The following CLVS2 variants were observed in gnomAD, a reference collection of about 807,000 sequenced individuals.
The protein encoded by CLVS2 is clavesin 2.
Under a neutral mutation model 29.0 loss-of-function variants are expected in CLVS2, and 19 were observed. That is an observed-to-expected ratio of 0.66 (90% CI 0.46 to 0.96). The LOEUF (loss-of-function observed/expected upper bound fraction) is 0.96, where lower values mean the gene tolerates loss of function less well. Ranked by LOEUF, CLVS2 falls within the 40% of genes least tolerant of loss-of-function variation. The probability of loss-of-function intolerance (pLI) is 0.00; values close to 1 mark genes in which losing one functional copy is unlikely to be tolerated. For missense variants in CLVS2, 294 were observed against 404.1 expected, an observed-to-expected ratio of 0.73 and a Z score of 2.34; for synonymous variants, 161 against 151.3, an observed-to-expected ratio of 1.06 and a Z score of -0.47.
rs1323474245 is a variant in CLVS2, at chr6:122,997,851, A to C, written c.74A>C (p.Asp25Ala). The C allele has an allele frequency of 6.2e-7, 1 of 1,614,164 alleles. No individual in the cohort carries two copies. Among genetic ancestry groups the C allele is most frequent in the Non-Finnish European group, 8.5e-7 (1 of 1,180,024 alleles). Residue 25 changes from aspartate to alanine, a missense_variant, in exon 2 of 6, where the codon GAC becomes GCC. Physicochemically the swap from Asp to Ala is moderately radical, Grantham distance 126. Coordinates refer to ENST00000275162, the MANE Select transcript of CLVS2 (RefSeq NM_001010852.4). ...KARLELNENP[D>A]TLHQDIQEVR... is the part of the protein sequence containing the mutation. ...CGCCTGGAGCTCAATGAAAACCCAG[A>C]CACGCTGCACCAGGACATCCAGGAG...
chr6:123,027,978 GTAA>G (rs1775027606), intron 3 of CLVS2, among the ~76,000 whole-genome samples: 1 of 152,128 alleles, frequency 6.6e-6, no homozygotes, highest in Non-Finnish European at 1.5e-5. Flanking sequence ...TGAATTTTTA[GTAA>G]TAACATTTAT....
chr6:123,054,257 C>T (rs141202841), intron 4 of CLVS2, among the ~76,000 whole-genome samples: 2 of 152,270 alleles, frequency 1.3e-5, no homozygotes, highest in East Asian at 3.9e-4. Context: ...TTCATTTCTT[C>T]TTATAAGAAG....
chr6:123,042,781 G>A lies in CLVS2; in HGVS notation c.565-5841G>A, dbSNP rs537608428. Among the ~76,000 whole-genome samples, 14 of 152,278 alleles carry A rather than the reference G, an allele frequency of 9.2e-5. No homozygotes were observed. In the East Asian group the frequency reaches 1.7e-3, roughly 19 times the overall value. On this transcript the variant is annotated intron_variant, in intron 3 of 5. Coordinates refer to ENST00000275162, the MANE Select transcript of CLVS2 (RefSeq NM_001010852.4). Reference sequence around the variant, plus strand: ...CTGTCCACTAGTGATAATGAGCAGCGATTTGGAACTGGGAAAAGCATGACT... The same window carrying A: ...CTGTCCACTAGTGATAATGAGCAGCAATTTGGAACTGGGAAAAGCATGACT...
Position 123,071,360 on chromosome 6 carries a change from C to T in CLVS2, c.*7599C>T, listed in dbSNP as rs1016858642. 1.3e-5 allele frequency: 2 copies of T among 151,978 alleles called. No individual in the cohort carries two copies. The highest frequency in any genetic ancestry group is 2.9e-5 in the Non-Finnish European group (2 of 67,930). 9.4% of individuals were successfully genotyped at this position (151,978 alleles called of 1,614,324 possible). A position where few individuals can be genotyped will look rare whatever the true frequency, so the allele number is the denominator to read the frequency against. On this transcript the variant is annotated 3_prime_UTR_variant, in exon 6 of 6. Coordinates refer to ENST00000275162, the MANE Select transcript of CLVS2 (RefSeq NM_001010852.4). ...CATGAATCAAAAATGATATCCTCTT[C>T]TCCCCAATTGTGATCTCTATCCCTG...
chr6:123,054,063 G>A (rs1460481727), intron 4 of CLVS2, among the ~76,000 whole-genome samples: 1 of 152,134 alleles, frequency 6.6e-6, no homozygotes, highest in Non-Finnish European at 1.5e-5. Context: ...CAGAGTGTTA[G>A]AGAAGAGAGA....
At chr6:123,004,949 A>C (rs1774644349) in intron 2 of CLVS2, among the ~76,000 whole-genome samples, 3 of 61,464 alleles carry the variant, frequency 4.9e-5, no homozygotes, top group South Asian at 1.1e-3. Context: ...AAAACAAAAA[A>C]CAAAAAAAAA....
At chr6:123,024,183 G>C (rs906554997) in intron 3 of CLVS2, among the ~76,000 whole-genome samples, 1 of 152,118 alleles carries the variant, frequency 6.6e-6, no homozygotes, top group African/African-American at 2.4e-5. Context: ...ACCATAGGCA[G>C]TCATAGGTAG....
In CLVS2 at chr6:123,021,061, A is replaced by AGGG. The variant is rs1284701366; in HGVS notation, c.564+9902_564+9903insGGG. 4.3e-3 allele frequency among the ~76,000 whole-genome samples: 590 copies of AGGG among 135,718 alleles called. 2 individuals carry two copies. The highest frequency in any genetic ancestry group is 0.014 in the African/African-American group (513 of 36,094). 89.0% of individuals were successfully genotyped at this position (135,718 alleles called of 152,430 possible). ...TTATCTGAAAGAGTATGGGGGGGGTAAAATTGCAGAATATTTGCATTCTCT... is the reference window on the plus strand; with the variant it reads ...TTATCTGAAAGAGTATGGGGGGGGTAGGGAAATTGCAGAATATTTGCATTCTCT... On this transcript the variant is annotated intron_variant, in intron 3 of 5. Transcript: ENST00000275162.
At chr6:123,038,629 T>TC in intron 3 of CLVS2, among the ~76,000 whole-genome samples, 1 of 152,152 alleles carries the variant, frequency 6.6e-6, no homozygotes, top group African/African-American at 2.4e-5. Flanking sequence ...ATGTATTTTT[T>TC]CCAAGCCTTT....
At position 122,997,520 on chromosome 6, in the gene CLVS2, A is replaced by C; in HGVS notation, c.-258A>C. ...GTTCACATCTCTTTAAAGGAAAGGAAAGAGGGAGCCAAAGTAGGGTGTTGT... is the reference window on the plus strand; with the variant it reads ...GTTCACATCTCTTTAAAGGAAAGGACAGAGGGAGCCAAAGTAGGGTGTTGT... On this transcript the variant is annotated 5_prime_UTR_variant, in exon 2 of 6. Coordinates refer to ENST00000275162, the MANE Select transcript of CLVS2 (RefSeq NM_001010852.4). 4 of 535,366 alleles carry C rather than the reference A, an allele frequency of 7.5e-6. 1 individual carries two copies. The South Asian group carries it at 9.7e-5, about 13-fold the overall frequency. The allele number at this position is 535,366 out of a possible 1,614,324, so 33.2% of individuals were successfully genotyped here. A position where few individuals can be genotyped will look rare whatever the true frequency, so the allele number is the denominator to read the frequency against.
intron 3 of CLVS2, among the ~76,000 whole-genome samples, chr6:123,021,339 A>G (rs189758168): frequency 3.3e-5 from 5 of 152,070 alleles, no homozygotes; most frequent in African/African-American, 9.6e-5. Flanking sequence ...AAAAGATTTT[A>G]TTACCTTTTT....
chr6:123,030,185 G>A (rs1775063337), intron 3 of CLVS2, among the ~76,000 whole-genome samples: 1 of 152,050 alleles, frequency 6.6e-6, no homozygotes. Flanking sequence ...ATTTTAAATG[G>A]GCTGTTAATA....
intron 5 of CLVS2, among the ~76,000 whole-genome samples, chr6:123,062,213 G>A (rs549457887): frequency 3.3e-5 from 5 of 152,166 alleles, no homozygotes; most frequent in Non-Finnish European, 5.9e-5. Context: ...TTGCTTGGTT[G>A]GGTCTTACCT....
chr6:123,013,141 TTC>T (rs1168420951), intron 3 of CLVS2, among the ~76,000 whole-genome samples: 2 of 152,086 alleles, frequency 1.3e-5, no homozygotes, highest in Non-Finnish European at 2.9e-5. Context: ...AAGTAACACT[TTC>T]TGACTTTTTA....
In CLVS2 at chr6:123,024,722, A is replaced by G. The variant is rs1380307989; in HGVS notation, c.564+13563A>G. ...AAATACTTTCTTGAAAAATGGCGAT[A>G]ATAAGATTTGGAAATAATACTGGCC... On this transcript the variant is annotated intron_variant, in intron 3 of 5. Transcript: ENST00000275162. 2.6e-5 allele frequency among the ~76,000 whole-genome samples: 4 copies of G among 152,246 alleles called. 1 individual carries two copies. Among genetic ancestry groups the G allele is most frequent in the Middle Eastern group, 6.8e-3 (2 of 294 alleles).
At position 123,011,044 on chromosome 6, in the gene CLVS2, A is replaced by C; in HGVS notation, c.449A>C (p.Asp150Ala). 1 of 1,610,188 alleles carries C rather than the reference A, an allele frequency of 6.2e-7. No individual in the cohort carries two copies. Among genetic ancestry groups the C allele is most frequent in the Non-Finnish European group, 8.5e-7 (1 of 1,177,744 alleles). The change falls in exon 3 of 6, where the codon GAT becomes GCT. Residue 150 changes from aspartate (D) to alanine (A), a missense_variant. Physicochemically the swap from Asp to Ala is moderately radical, Grantham distance 126. Transcript: ENST00000275162. ...CTTTCTTTAGAAGCCATGATTGAAG[A>C]TCCTGAGCTTCAAGTGAATGGGTTT... ...ILLSLEAMIE[D>A]PELQVNGFVL...
chr6:123,042,825 C>T (rs932464327), intron 3 of CLVS2, among the ~76,000 whole-genome samples: 1 of 152,226 alleles, frequency 6.6e-6, no homozygotes, highest in African/African-American at 2.4e-5. Context: ...GAATCAGAAC[C>T]TTCTAGAAGA....
At chr6:123,030,837 AAT>A (rs150269067) in intron 3 of CLVS2, among the ~76,000 whole-genome samples, 2 of 146,206 alleles carry the variant, frequency 1.4e-5, no homozygotes, top group Non-Finnish European at 1.5e-5. Context: ...ATATATATAA[AAT>A]ATATATATAT....
At chr6:123,020,015 C>T (rs182428917) in intron 3 of CLVS2, among the ~76,000 whole-genome samples, 2 of 152,048 alleles carry the variant, frequency 1.3e-5, no homozygotes, top group African/African-American at 4.8e-5. Context: ...TGAAGCCTCT[C>T]CCCACTGGGG....
Sources: gnomAD v4.1 joint callset for allele counts (sites outside exome capture counted in the v4.1 genomes callset) on GRCh38, gnomAD v4.1.1 for gene constraint, MANE v1.5 for transcripts, NCBI Gene and HGNC (gene_info 2026-07-23, HGNC 2026-07-21) for gene names.